IQGAP2: variants seen among roughly 807,000 people sequenced by gnomAD.
IQGAP2 encodes IQ motif containing GTPase activating protein 2, also known as ras GTPase-activating-like protein IQGAP2.
In IQGAP2, 173 loss-of-function variants were observed where a neutral mutation model predicts 201.3. The observed-to-expected ratio is 0.86, with a 90% confidence interval of 0.76 to 0.98. IQGAP2 has a LOEUF of 0.98. IQGAP2 is among the 50% of genes least tolerant of loss of function. The probability of loss-of-function intolerance (pLI) is 0.00; values close to 1 mark genes in which losing one functional copy is unlikely to be tolerated. For missense variants in IQGAP2, 1,687 were observed against 1,864.8 expected, an observed-to-expected ratio of 0.90 and a Z score of 1.76; for synonymous variants, 675 against 673.9, an observed-to-expected ratio of 1.00 and a Z score of -0.03.
intron 2 of IQGAP2, among the ~76,000 whole-genome samples, chr5:76,488,325 T>C (rs1756299407): frequency 1.3e-5 from 2 of 152,238 alleles, no homozygotes; most frequent in South Asian, 4.1e-4. Flanking sequence ...CAAGTTCTAT[T>C]GATCAAGCTA....
intron 1 of IQGAP2, among the ~76,000 whole-genome samples, chr5:76,454,832 A>G (rs1396473345): frequency 7.3e-5 from 11 of 150,080 alleles, no homozygotes; most frequent in African/African-American, 2.5e-4. Context: ...TGGGTCAAAT[A>G]GTATTTCTAG....
At chr5:76,459,387 G>A (rs981359398) in intron 1 of IQGAP2, among the ~76,000 whole-genome samples, 6 of 152,274 alleles carry the variant, frequency 3.9e-5, no homozygotes, top group Middle Eastern at 3.4e-3. Flanking sequence ...CTTCCAAGTT[G>A]GGGATGGTGT....
chr5:76,621,965 T>C (rs1008136984), intron 13 of IQGAP2, among the ~76,000 whole-genome samples: 2 of 152,174 alleles, frequency 1.3e-5, no homozygotes, highest in Non-Finnish European at 2.9e-5. Context: ...GTTGAGCCAG[T>C]AAAGCCCCTT....
At chr5:76,541,955 C>T (rs952196785) in intron 2 of IQGAP2, among the ~76,000 whole-genome samples, 3 of 152,180 alleles carry the variant, frequency 2.0e-5, no homozygotes, top group East Asian at 1.9e-4. Context: ...TTTGATTCAA[C>T]GTGCAGAATG....
At chr5:76,540,511 G>C (rs1348431480) in intron 2 of IQGAP2, among the ~76,000 whole-genome samples, 1 of 152,174 alleles carries the variant, frequency 6.6e-6, no homozygotes, top group East Asian at 1.9e-4. Context: ...GATGAAATGA[G>C]AGAGAGGCAC....
chr5:76,479,095 C>T (rs868561916), intron 2 of IQGAP2, among the ~76,000 whole-genome samples: 3 of 152,112 alleles, frequency 2.0e-5, no homozygotes, highest in Non-Finnish European at 4.4e-5. Context: ...TCCGCCTTCC[C>T]GCCATGGTTG....
intron 1 of IQGAP2, among the ~76,000 whole-genome samples, chr5:76,414,301 C>T (rs1194599603): frequency 6.6e-6 from 1 of 152,048 alleles, no homozygotes; most frequent in Non-Finnish European, 1.5e-5. Flanking sequence ...GTCACATAGT[C>T]AGCCTCATGA....
chr5:76,465,156 A>C (rs1179730450), intron 2 of IQGAP2, among the ~76,000 whole-genome samples: 1 of 152,224 alleles, frequency 6.6e-6, no homozygotes, highest in Non-Finnish European at 1.5e-5. Flanking sequence ...TACAAATGCA[A>C]AAATCCTTAG....
chr5:76,621,292 T>C (rs1749645924), intron 13 of IQGAP2, among the ~76,000 whole-genome samples: 1 of 152,168 alleles, frequency 6.6e-6, no homozygotes, highest in Non-Finnish European at 1.5e-5. Context: ...TGTGTCCTAG[T>C]AACTGAGGGG....
chr5:76,642,763 T>G (rs1265681314), intron 17 of IQGAP2, among the ~76,000 whole-genome samples: 1 of 152,092 alleles, frequency 6.6e-6, no homozygotes, highest in African/African-American at 2.4e-5. Context: ...TGGAGAGAAA[T>G]ACAAAGGCAA....
intron 9 of IQGAP2, among the ~76,000 whole-genome samples, chr5:76,596,628 C>T (rs115081436): frequency 0.012 from 1,824 of 152,226 alleles, 24 homozygotes; most frequent in Non-Finnish European, 0.015. Flanking sequence ...AGGAAACTTA[C>T]GATCATGGCA....
At chr5:76,425,903 G>C (rs1751968034) in intron 1 of IQGAP2, among the ~76,000 whole-genome samples, 1 of 152,194 alleles carries the variant, frequency 6.6e-6, no homozygotes, top group Non-Finnish European at 1.5e-5. Flanking sequence ...GCTGGGGTTA[G>C]AAACTGGAGG....
At chr5:76,559,041 C>G (rs932789860) in intron 2 of IQGAP2, among the ~76,000 whole-genome samples, 10 of 152,306 alleles carry the variant, frequency 6.6e-5, no homozygotes, top group Admixed American at 2.0e-4. Context: ...GCTGGGACTA[C>G]AGGCGCCCGC....
chr5:76,495,653 A>C (rs1267373493), intron 2 of IQGAP2, among the ~76,000 whole-genome samples: 1 of 152,210 alleles, frequency 6.6e-6, no homozygotes, highest in African/African-American at 2.4e-5. Context: ...TCTGCAGGCA[A>C]TGCAGGAAGC....
At chr5:76,612,584 A>T (rs1477642225) in intron 13 of IQGAP2, among the ~76,000 whole-genome samples, 1 of 152,206 alleles carries the variant, frequency 6.6e-6, no homozygotes, top group African/African-American at 2.4e-5. Context: ...GGTCTGTCTG[A>T]TTCGGAAACA....
Position 76,641,064 on chromosome 5 carries a change from ATTTT to A in IQGAP2, c.2057_2060del (p.Phe686CysfsTer39). ...GGGAAGAGTTTGAAGCTAGAAAATC[ATTTT>A]TGCATGAACAAGAAGAGAATGTGGT... On this transcript the variant is annotated frameshift_variant, in exon 17 of 36. Coordinates refer to ENST00000274364, the MANE Select transcript of IQGAP2 (RefSeq NM_006633.5). LOFTEE classifies it high-confidence loss of function. The A allele has an allele frequency of 6.2e-7, 1 of 1,608,190 alleles. No individual in the cohort carries two copies. Among genetic ancestry groups the A allele is most frequent in the Non-Finnish European group, 8.5e-7 (1 of 1,175,238 alleles).
chr5:76,545,085 T>C (rs6893849), intron 2 of IQGAP2, among the ~76,000 whole-genome samples: 42,424 of 151,986 alleles, frequency 0.28, 6,104 homozygotes, highest in South Asian at 0.5. Flanking sequence ...TATATACACA[T>C]AACTATGTAT....
chr5:76,545,096 A>T (rs1743018332), intron 2 of IQGAP2, among the ~76,000 whole-genome samples: 1 of 152,078 alleles, frequency 6.6e-6, no homozygotes, highest in African/African-American at 2.4e-5. Context: ...AACTATGTAT[A>T]TAAAACTATA....
intron 2 of IQGAP2, among the ~76,000 whole-genome samples, chr5:76,468,154 C>G (rs993501682): frequency 6.6e-6 from 1 of 152,164 alleles, no homozygotes; most frequent in African/African-American, 2.4e-5. Context: ...AATTTCCTTA[C>G]ACTGGCTTGG....
Sources: gnomAD v4.1 joint callset for allele counts (sites outside exome capture counted in the v4.1 genomes callset) on GRCh38, gnomAD v4.1.1 for gene constraint, MANE v1.5 for transcripts, NCBI Gene and HGNC (gene_info 2026-07-23, HGNC 2026-07-21) for gene names.